Variants in DNAH17 observed in about 807,000 individuals in gnomAD.
DNAH17 encodes the protein dynein axonemal heavy chain 17, also known as axonemal beta dynein heavy chain 17.
DNAH17 carries 376 observed loss-of-function variants against 485.6 expected under a neutral mutation model. That is an observed-to-expected ratio of 0.77 (90% confidence interval 0.71 to 0.84). The LOEUF (loss-of-function observed/expected upper bound fraction) is 0.84. Ranked by LOEUF, DNAH17 falls within the 40% of genes least tolerant of loss-of-function variation. DNAH17 has a pLI of 0.00. For synonymous variants in DNAH17, 3,031 were observed against 2,405.9 expected (o/e 1.26, Z -7.60); for missense variants, 6,370 against 5,839.3 (o/e 1.09, Z -2.96).
Position 78,574,848 on chromosome 17 carries a change from C to T in DNAH17, c.210G>A (p.Gln70=), listed in dbSNP as rs1320741692. The T allele has an allele frequency of 6.2e-7, 1 of 1,613,900 alleles. No homozygotes were observed. Among genetic ancestry groups the T allele is most frequent in the Non-Finnish European group, 8.5e-7 (1 of 1,179,890 alleles). The change falls in exon 2 of 81, where the codon CAG becomes CAA. Residue 70 remains glutamine, a synonymous_variant. Transcript: ENST00000389840. ...AGTAAACCCCTTTGGACTTGAGGGA[C>T]TGGGGGAAGCCCAGGCAGGGTATGA... The part of the protein sequence containing the change: ...GMIIPCLGFP[Q]SLKSKGVYFI...
At chr17:78,565,156 T>G (rs2092241647) in intron 11 of DNAH17, among the ~76,000 whole-genome samples, 1 of 142,052 alleles carries the variant, frequency 7.0e-6, no homozygotes, top group African/African-American at 2.7e-5. Context: ...CCTACTTACC[T>G]GCAGTGTATT....
chr17:78,571,447 T>C (rs2092356402), intron 4 of DNAH17, 69 bp from the exon 5 acceptor site: 1 of 1,483,618 alleles, frequency 6.7e-7, no homozygotes, highest in Non-Finnish European at 9.4e-7. Flanking sequence ...AACCTGACCT[T>C]GTGGCTGGCT....
Position 78,494,814 on chromosome 17 carries a change from A to C in DNAH17, c.6049T>G (p.Tyr2017Asp), listed in dbSNP as rs774666688. 1 of 1,604,974 alleles carries C rather than the reference A, an allele frequency of 6.2e-7. No individual in the cohort carries two copies. ...CKELLSKQDHYDWGLRAIKSV... is the reference protein window; with the variant it reads ...CKELLSKQDHDDWGLRAIKSV... ...TTGATGGCTCTCAGGCCCCAGTCGTAATGATCCTGCGGGCAGTGGGCACAG... is the reference window on the plus strand; with the variant it reads ...TTGATGGCTCTCAGGCCCCAGTCGTCATGATCCTGCGGGCAGTGGGCACAG... Residue 2017 changes from tyrosine (Y) to aspartate (D), a missense_variant, in exon 40 of 81, where the codon TAC becomes GAC. By Grantham distance (160) the Tyr-to-Asp change is radical. Transcript: ENST00000389840.
chr17:78,494,740 C>T lies in DNAH17; in HGVS notation c.6123G>A (p.Arg2041=), dbSNP rs1320015823. Reference sequence around the variant, plus strand: ...CCCGCATGAGCACCTGGTCCTCTGCCCGGCTGGGGTCGCCCCTCTTCAGGG... The same window carrying T: ...CCCGCATGAGCACCTGGTCCTCTGCTCGGCTGGGGTCGCCCCTCTTCAGGG... ...AGSLKRGDPS[R]AEDQVLMRAL... Residue 2041 remains arginine, a synonymous_variant, in exon 40 of 81, where the codon CGG becomes CGA. Coordinates refer to ENST00000389840, the MANE Select transcript of DNAH17 (RefSeq NM_173628.4). 5.0e-5 allele frequency: 80 copies of T among 1,613,598 alleles called. No individual in the cohort carries two copies. The East Asian group carries it at 1.8e-3, about 35-fold the overall frequency.
chr17:78,489,850 G>A (rs2089773153), intron 44 of DNAH17, among the ~76,000 whole-genome samples: 1 of 151,232 alleles, frequency 6.6e-6, no homozygotes, highest in East Asian at 2.0e-4. Context: ...TGGGTGAGTG[G>A]GTGGGTGGGC....
chr17:78,479,174 C>G, intron 50 of DNAH17, 58 bp from the exon 51 acceptor site: 1 of 1,543,776 alleles, frequency 6.5e-7, no homozygotes, highest in South Asian at 1.2e-5. Context: ...CCAGGAAGTG[C>G]AAGCCTCAAG....
intron 56 of DNAH17, among the ~76,000 whole-genome samples, chr17:78,464,113 C>A (rs539587691): frequency 6.6e-6 from 1 of 152,098 alleles, no homozygotes; most frequent in East Asian, 1.9e-4. Flanking sequence ...GATATGTGTT[C>A]AAAAGAAACA....
At chr17:78,458,906 G>A (rs573220714) in intron 61 of DNAH17, 95 bp downstream of exon 61, 30 of 1,353,268 alleles carry the variant, frequency 2.2e-5, no homozygotes, top group African/African-American at 2.1e-4. Flanking sequence ...TCATGACGGC[G>A]GGCCGTGCCA....
At chr17:78,479,747 AT>A (rs2089266806) in intron 49 of DNAH17, 115 bp from the exon 50 acceptor site, 1 of 1,426,062 alleles carries the variant, frequency 7.0e-7, no homozygotes, top group East Asian at 2.4e-5. Context: ...TCTTTTGGGC[AT>A]TGTCAGAATG....
rs540276911 is a variant in DNAH17, at chr17:78,532,435, G to A, written c.3114+47C>T. 5.8e-6 allele frequency: 9 copies of A among 1,560,844 alleles called. No homozygotes were observed. In the African/African-American group the frequency reaches 1.1e-4, roughly 19 times the overall value. ...AAAGCAAGCCTGGTGATCCTCTCCT[G>A]GAAGACTCTGGAGACAAGGAGGCTG... On this transcript the variant is annotated intron_variant, in intron 20 of 80. Transcript: ENST00000389840.
At chr17:78,518,106 A>G (rs2090837053) in intron 25 of DNAH17, among the ~76,000 whole-genome samples, 2 of 152,246 alleles carry the variant, frequency 1.3e-5, no homozygotes, top group Non-Finnish European at 2.9e-5. Context: ...AAGGGAACAA[A>G]CAGAAAACAA....
intron 16 of DNAH17, among the ~76,000 whole-genome samples, chr17:78,544,531 G>A (rs928826717): frequency 1.3e-5 from 2 of 151,700 alleles, no homozygotes; most frequent in African/African-American, 4.8e-5. Context: ...GGCCGGGCGC[G>A]GTGGCCCATG....
chr17:78,503,759 A>G (rs1351065339), intron 31 of DNAH17, among the ~76,000 whole-genome samples: 1 of 151,982 alleles, frequency 6.6e-6, no homozygotes, highest in African/African-American at 2.4e-5. Context: ...TGAGGTCAGG[A>G]GTTCAAAACC....
chr17:78,434,693 C>T (rs1205326158), intron 74 of DNAH17, among the ~76,000 whole-genome samples: 1 of 152,006 alleles, frequency 6.6e-6, no homozygotes, highest in Non-Finnish European at 1.5e-5. Context: ...GGTCGCTTCT[C>T]AAACCCTTTC....
chr17:78,501,099 C>G, intron 35 of DNAH17, 85 bp downstream of exon 35: 1 of 1,451,402 alleles, frequency 6.9e-7, no homozygotes, highest in Non-Finnish European at 9.2e-7. Context: ...GCCTCCACAG[C>G]TGACCTCCAA....
At chr17:78,572,997 G>T in intron 2 of DNAH17, 103 bp from the exon 3 acceptor site, 1 of 1,082,760 alleles carries the variant, frequency 9.2e-7, no homozygotes, top group Non-Finnish European at 1.3e-6. Context: ...GGTGTCTGGA[G>T]CCCTGGGAAA....
At chr17:78,521,244 G>A (rs976159986) in intron 25 of DNAH17, among the ~76,000 whole-genome samples, 4 of 151,802 alleles carry the variant, frequency 2.6e-5, no homozygotes, top group African/African-American at 9.7e-5. Context: ...CATCTCTACT[G>A]AAAATACAAA....
chr17:78,451,114 G>T (rs2087530853), intron 66 of DNAH17, among the ~76,000 whole-genome samples: 1 of 152,242 alleles, frequency 6.6e-6, no homozygotes, highest in African/African-American at 2.4e-5. Context: ...CCATGCAAGT[G>T]GCTATAACAG....
At chr17:78,478,030 CATCACACCACCATCATT>C in intron 51 of DNAH17, among the ~76,000 whole-genome samples, 1 of 139,676 alleles carries the variant, frequency 7.2e-6, no homozygotes, top group African/African-American at 2.9e-5. Flanking sequence ...TCACCACCAC[CATCACACCACCATCATT>C]ACCATTATCA....
Sources: gnomAD v4.1 joint callset for allele counts (sites outside exome capture counted in the v4.1 genomes callset) on GRCh38, gnomAD v4.1.1 for gene constraint, MANE v1.5 for transcripts, NCBI Gene and HGNC (gene_info 2026-07-23, HGNC 2026-07-21) for gene names.